The following POM121C variants were observed in gnomAD, a reference collection of about 807,000 sequenced individuals.
POM121C encodes the protein POM121 transmembrane nucleoporin C, also known as nuclear envelope pore membrane protein POM 121C.
A neutral mutation model predicts 66.4 loss-of-function variants in POM121C; 20 were observed. That is an observed-to-expected ratio of 0.30 (90% CI 0.21 to 0.44). The LOEUF is 0.44. Ranked by LOEUF, POM121C falls within the 20% of genes least tolerant of loss-of-function variation. POM121C has a pLI of 1.00. For synonymous variants in POM121C, 286 were observed against 528.0 expected (o/e 0.54, Z 6.28); for missense variants, 580 against 1,225.7 (o/e 0.47, Z 7.87).
At chr7:75,465,663 G>A (rs1159998485) in intron 3 of POM121C, among the ~76,000 whole-genome samples, 1 of 150,914 alleles carries the variant, frequency 6.6e-6, no homozygotes, top group Admixed American at 6.6e-5. Context: ...TGAGGCAGGA[G>A]AGTCGCTTGT....
intron 3 of POM121C, among the ~76,000 whole-genome samples, chr7:75,447,665 T>C (rs782309906): frequency 9.9e-5 from 15 of 152,030 alleles, no homozygotes; most frequent in Non-Finnish European, 1.9e-4. Context: ...GCTGGGCAGA[T>C]TGCTTGAGCC....
rs782262573 is a variant in POM121C at position 75,422,149 on chromosome 7, G to C, written c.2103C>G (p.Ala701=). The change falls in exon 13 of 15, where the codon GCC becomes GCG. Residue 701 remains alanine, a synonymous_variant. Coordinates refer to ENST00000615331, the MANE Select transcript of POM121C (RefSeq NM_001099415.3). ...CGGCCCCAAATGCGGGCTGGGGGTT[G>C]GCTCCCGGATATGATGGGAGCGGGG... is the stretch of plus-strand genomic sequence containing the variant. The part of the protein sequence containing the change: ...AKSPLPSYPG[A]NPQPAFGAAE... The C allele has an allele frequency of 2.5e-6, 4 of 1,601,124 alleles. No individual in the cohort carries two copies. In the Admixed American group the frequency reaches 5.0e-5, roughly 20 times the overall value.
At chr7:75,465,441 C>CA (rs782772936) in intron 3 of POM121C, among the ~76,000 whole-genome samples, 1,708 of 117,972 alleles carry the variant, frequency 0.014, 32 homozygotes, top group African/African-American at 0.042. Flanking sequence ...CCCATCTCTA[C>CA]AAAAAAAAAA....
chr7:75,416,924 A>AGT lies in POM121C; in HGVS notation c.*1870_*1871dup, dbSNP rs1789486942. The AGT allele has an allele frequency of 7.0e-7, 1 of 1,426,798 alleles. No homozygotes were observed. Among genetic ancestry groups the AGT allele is most frequent in the Admixed American group, 2.9e-5 (1 of 34,680 alleles). The allele number at this position is 1,426,798 out of a possible 1,614,324, so 88.4% of individuals were successfully genotyped here. On this transcript the variant is annotated 3_prime_UTR_variant, in exon 15 of 15. Transcript: ENST00000615331. ...AAGTCCCAGCCTCCCGCTGCCGTCC[A>AGT]GTGTGTGTACTGTACACATCCACAC... is the stretch of plus-strand genomic sequence containing the variant.
At chr7:75,437,748 C>T in intron 6 of POM121C, 62 bp from the exon 7 acceptor site, 1 of 1,510,572 alleles carries the variant, frequency 6.6e-7, no homozygotes, top group Non-Finnish European at 8.9e-7. Context: ...CGATTTCATC[C>T]ACGGTCATGA....
In POM121C at chr7:75,417,283, C is replaced by T. The variant is rs150748305; in HGVS notation, c.*1513G>A. ...AGCTCTAGTCCCCCAGGAAAGCTGC[C>T]GGGGACAGCATTTGAGCCTCTTCTT... is the stretch of plus-strand genomic sequence containing the variant. On this transcript the variant is annotated 3_prime_UTR_variant, in exon 15 of 15. Coordinates refer to ENST00000615331, the MANE Select transcript of POM121C (RefSeq NM_001099415.3). 76,017 of 856,368 alleles carry T rather than the reference C, an allele frequency of 0.089. 3,650 individuals are homozygous for T. The highest frequency in any genetic ancestry group is 0.096 in the South Asian group (1,787 of 18,674). 53.0% of individuals were successfully genotyped at this position (856,368 alleles called of 1,614,324 possible).
At chr7:75,433,189 C>T (rs1421027214) in intron 7 of POM121C, among the ~76,000 whole-genome samples, 7 of 130,678 alleles carry the variant, frequency 5.4e-5, no homozygotes, top group Non-Finnish European at 9.3e-5. Context: ...GAGCTGAGAT[C>T]GCACCGCTGC....
chr7:75,419,522 G>A (rs1362275765), intron 13 of POM121C, 80 bp from the exon 14 acceptor site: 234 of 1,523,832 alleles, frequency 1.5e-4, no homozygotes, highest in South Asian at 5.8e-4. Context: ...CCTGTGCTCT[G>A]CAGGGCACTT....
intron 3 of POM121C, among the ~76,000 whole-genome samples, chr7:75,472,448 G>A (rs1791915826): frequency 6.6e-6 from 1 of 152,108 alleles, no homozygotes; most frequent in East Asian, 2.0e-4. Flanking sequence ...GGGAGGCAGA[G>A]GTTATCGTGA....
At chr7:75,480,792 A>C (rs1222072971) in intron 1 of POM121C, among the ~76,000 whole-genome samples, 2 of 152,156 alleles carry the variant, frequency 1.3e-5, no homozygotes, top group Non-Finnish European at 2.9e-5. Flanking sequence ...TAACAGTCCT[A>C]GACTGAATCT....
rs782686913 is a variant in POM121C at position 75,425,178 on chromosome 7, T to G, written c.664A>C (p.Arg222=). Residue 222 remains arginine (R), a synonymous_variant, in exon 10 of 15, where the codon AGG becomes CGG. Coordinates refer to ENST00000615331, the MANE Select transcript of POM121C (RefSeq NM_001099415.3). ...QGEKAADTTP[R]KKQNSNSQST... is the part of the protein sequence containing the mutation. ...TGAGAATTCGAGTTTTGTTTCTTCC[T>G]TGGGGTTGTATCTGCAGCTAAAGAA... is the stretch of plus-strand genomic sequence containing the variant. 32 of 1,485,792 alleles carry G rather than the reference T, an allele frequency of 2.2e-5. No individual in the cohort carries two copies. The highest frequency in any genetic ancestry group is 2.5e-5 in the Admixed American group (1 of 40,394). 92.0% of individuals were successfully genotyped at this position (1,485,792 alleles called of 1,614,324 possible). A position where few individuals can be genotyped will look rare whatever the true frequency, so the allele number is the denominator to read the frequency against.
chr7:75,421,942 G>A lies in POM121C; in HGVS notation c.2310C>T (p.Ala770=), dbSNP rs1789729791. ...CTTTCAATCCAAACGCCGAGTGCGT[G>A]GCACCGCCAAAGGTAGGCTGGATGG... is the stretch of plus-strand genomic sequence containing the variant. ...PTPIQPTFGG[A]THSAFGLKAT... The change falls in exon 13 of 15, where the codon GCC becomes GCT. Residue 770 remains alanine (A), a synonymous_variant. Transcript: ENST00000615331. 1.2e-6 allele frequency: 2 copies of A among 1,613,648 alleles called. No individual in the cohort carries two copies. Among genetic ancestry groups the A allele is most frequent in the Non-Finnish European group, 1.7e-6 (2 of 1,179,844 alleles).
rs782716399 is a variant in POM121C at position 75,441,634 on chromosome 7, A to G, written c.-138T>C. Reference sequence around the variant, plus strand: ...GGTGTTATTACAAACCGATCTGGTAAAGTCCCACGATCCCTGCAGAGAATG... The same window carrying G: ...GGTGTTATTACAAACCGATCTGGTAGAGTCCCACGATCCCTGCAGAGAATG... On this transcript the variant is annotated 5_prime_UTR_variant, in exon 4 of 15. Coordinates refer to ENST00000615331, the MANE Select transcript of POM121C (RefSeq NM_001099415.3). 7 of 1,556,582 alleles carry G rather than the reference A, an allele frequency of 4.5e-6. No individual in the cohort carries two copies. The highest frequency in any genetic ancestry group is 6.1e-6 in the Non-Finnish European group (7 of 1,149,516).
At chr7:75,459,773 C>A in intron 3 of POM121C, among the ~76,000 whole-genome samples, 2 of 120,848 alleles carry the variant, frequency 1.7e-5, no homozygotes, top group African/African-American at 3.1e-5. Flanking sequence ...TGGGCAAAAG[C>A]AAAACCATAA....
chr7:75,475,432 G>A (rs1792039047), intron 1 of POM121C, among the ~76,000 whole-genome samples: 1 of 152,122 alleles, frequency 6.6e-6, no homozygotes, highest in Non-Finnish European at 1.5e-5. Flanking sequence ...GGGGATATGA[G>A]ATGAGTGAAA....
In POM121C at chr7:75,419,411, G is replaced by A. The variant is rs782690108; in HGVS notation, c.2775C>T (p.Thr925=). 11 of 1,613,684 alleles carry A rather than the reference G, an allele frequency of 6.8e-6. No individual in the cohort carries two copies. Among genetic ancestry groups the A allele is most frequent in the African/African-American group, 1.3e-5 (1 of 74,920 alleles). Reference sequence around the variant, plus strand: ...CCGATGTGCCCACTCCAGGCGCAGGGGTGTTCTGACCAAAGGTGGGGGTGG... The same window carrying A: ...CCGATGTGCCCACTCCAGGCGCAGGAGTGTTCTGACCAAAGGTGGGGGTGG... The part of the protein sequence containing the change: ...GTATPTFGQN[T]PAPGVGTSGS... The change falls in exon 14 of 15, where the codon ACC becomes ACT. Residue 925 remains threonine (T), a synonymous_variant. Transcript: ENST00000615331.
At chr7:75,483,050 T>C (rs1199528737) in intron 1 of POM121C, among the ~76,000 whole-genome samples, 2 of 152,218 alleles carry the variant, frequency 1.3e-5, no homozygotes, top group African/African-American at 2.4e-5. Context: ...GAACAAATAT[T>C]TGACGGATGA....
At chr7:75,485,835 C>A (rs782205865) in intron 1 of POM121C, 29 bp downstream of exon 1, 3 of 500,150 alleles carry the variant, frequency 6.0e-6, no homozygotes, top group Admixed American at 2.1e-5. Context: ...AGGCCCTTCT[C>A]GCTCCGGGCC....
At position 75,461,790 on chromosome 7, in the gene POM121C, A is replaced by C. The variant is rs1426825969; in HGVS notation, c.-152+12914T>G. Among the ~76,000 whole-genome samples the C allele has an allele frequency of 8.5e-5, 13 of 152,072 alleles. 1 individual carries two copies. The highest frequency in any genetic ancestry group is 3.1e-4 in the African/African-American group (13 of 41,316). On this transcript the variant is annotated intron_variant, in intron 3 of 14. Coordinates refer to ENST00000615331, the MANE Select transcript of POM121C (RefSeq NM_001099415.3). The stretch of plus-strand genomic sequence containing the variant: ...GACTGTAAAATAATTAAACTAAATC[A>C]ATTTTAAAAAGAAACCAGAAAATCT...
Sources: gnomAD v4.1 joint callset for allele counts (sites outside exome capture counted in the v4.1 genomes callset) on GRCh38, gnomAD v4.1.1 for gene constraint, MANE v1.5 for transcripts, NCBI Gene and HGNC (gene_info 2026-07-23, HGNC 2026-07-21) for gene names.